Variants in CCDC102A observed in about 807,000 individuals in gnomAD.
CCDC102A encodes the protein coiled-coil domain-containing protein 102A.
In CCDC102A, 40 loss-of-function variants were observed where a neutral mutation model predicts 55.5. The ratio of observed to expected loss-of-function variants is 0.72; its 90% CI spans 0.56 to 0.94. The LOEUF (loss-of-function observed/expected upper bound fraction) is 0.94. CCDC102A is among the 40% of genes least tolerant of loss of function. The pLI, the probability that CCDC102A is intolerant of heterozygous loss-of-function variation, is 0.00. For synonymous variants in CCDC102A, 323 were observed against 339.0 expected, an observed-to-expected ratio of 0.95 and a Z score of 0.52; for missense variants, 779 against 768.6, an observed-to-expected ratio of 1.01 and a Z score of -0.16.
chr16:57,536,799 G>T (rs998329365), upstream of CCDC102A, among the ~76,000 whole-genome samples: 1 of 152,168 alleles, frequency 6.6e-6, no homozygotes, highest in Admixed American at 6.5e-5. Context: ...CCCAACGGAG[G>T]CCCCACCCCC....
intron 4 of CCDC102A, among the ~76,000 whole-genome samples, chr16:57,519,493 A>T (rs570974873): frequency 1.3e-5 from 2 of 152,354 alleles, no homozygotes; most frequent in South Asian, 4.1e-4. Context: ...CTCTGCACAC[A>T]GGTGCATCGG....
intron 4 of CCDC102A, among the ~76,000 whole-genome samples, chr16:57,520,037 T>A (rs2032019303): frequency 6.6e-6 from 1 of 152,190 alleles, no homozygotes; most frequent in Admixed American, 6.5e-5. Context: ...CTCTGGAGCC[T>A]CAGTTTCCCT....
chr16:57,514,316 C>T (rs1389730517), intron 8 of CCDC102A, among the ~76,000 whole-genome samples: 3 of 152,132 alleles, frequency 2.0e-5, no homozygotes, highest in Admixed American at 6.5e-5. Flanking sequence ...CCTCCTGCCT[C>T]GGTCTCCCAA....
At chr16:57,532,821 G>T (rs1461595883) in intron 1 of CCDC102A, among the ~76,000 whole-genome samples, 5 of 152,210 alleles carry the variant, frequency 3.3e-5, no homozygotes, top group Admixed American at 6.5e-5. Flanking sequence ...GAGAGCCTGT[G>T]GGGGGAGGGG....
At chr16:57,515,628 C>G (rs2031942613) in intron 7 of CCDC102A, among the ~76,000 whole-genome samples, 184 bp from the exon 8 acceptor site, 1 of 152,080 alleles carries the variant, frequency 6.6e-6, no homozygotes, top group Admixed American at 6.6e-5. Context: ...TCCTCTCCAT[C>G]CCCTTTGCCT....
intron 1 of CCDC102A, among the ~76,000 whole-genome samples, chr16:57,530,397 T>C (rs1373643671): frequency 1.3e-5 from 2 of 152,068 alleles, no homozygotes; most frequent in African/African-American, 4.8e-5. Flanking sequence ...CATCACACTT[T>C]TCCTTCCCCA....
intron 8 of CCDC102A, 61 bp downstream of exon 8, chr16:57,515,280 G>A: frequency 9.2e-7 from 1 of 1,092,126 alleles, no homozygotes; most frequent in Non-Finnish European, 1.4e-6. Flanking sequence ...CTCCGTCCCT[G>A]ACCGGAGGGT....
rs2032192629 is a variant in CCDC102A at position 57,528,768 on chromosome 16, G to A, written c.410C>T (p.Ala137Val). Residue 137 changes from alanine to valine, a missense_variant, in exon 2 of 9, where the codon GCG becomes GTG. Transcript: ENST00000258214. ...CTCTTGGCGCTCGCGCCGTGCGCCC[G>A]CCAGCTCCTTGGTGAGCGCGTCCAG... ...QRLDALTKEL[A>V]GARRERQEAQ... is the part of the protein sequence containing the mutation. The A allele has an allele frequency of 8.4e-7, 1 of 1,189,162 alleles. No homozygotes were observed. Among genetic ancestry groups the A allele is most frequent in the Non-Finnish European group, 1.0e-6 (1 of 952,380 alleles). The allele number at this position is 1,189,162 out of a possible 1,614,324, so 73.7% of individuals were successfully genotyped here. A position where few individuals can be genotyped will look rare whatever the true frequency, so the allele number is the denominator to read the frequency against.
chr16:57,515,931 C>G (rs2031946752), intron 7 of CCDC102A, among the ~76,000 whole-genome samples: 1 of 151,974 alleles, frequency 6.6e-6, no homozygotes, highest in Admixed American at 6.6e-5. Flanking sequence ...AGCTGTCCAT[C>G]CATCTGTCCA....
At chr16:57,520,366 T>C (rs1297780992) in intron 4 of CCDC102A, among the ~76,000 whole-genome samples, 2 of 152,098 alleles carry the variant, frequency 1.3e-5, no homozygotes, top group Non-Finnish European at 2.9e-5. Context: ...AAATGCCACC[T>C]TCTTAGGCCT....
chr16:57,519,196 C>T (rs1455274385), intron 4 of CCDC102A, among the ~76,000 whole-genome samples: 4 of 152,234 alleles, frequency 2.6e-5, no homozygotes, highest in Non-Finnish European at 4.4e-5. Flanking sequence ...TTCTGTTCCT[C>T]AGACACACCA....
rs61754870 is a variant in CCDC102A at position 57,518,722 on chromosome 16, G to T, written c.941C>A (p.Ala314Glu). Residue 314 changes from alanine (A) to glutamate (E), a missense_variant, in exon 5 of 9, where the codon GCG becomes GAG. Physicochemically the swap from Ala to Glu is moderately radical, Grantham distance 107. Transcript: ENST00000258214. ...MLKQLSILKE[A>E]HQDELGRMSE... Reference sequence around the variant, plus strand: ...CATGCGGCCCAGCTCGTCCTGGTGCGCCTCCTTCAGGATGCTGAGCTGCAG... The same window carrying T: ...CATGCGGCCCAGCTCGTCCTGGTGCTCCTCCTTCAGGATGCTGAGCTGCAG... 2.5e-6 allele frequency: 4 copies of T among 1,606,576 alleles called. No individual in the cohort carries two copies. Among genetic ancestry groups the T allele is most frequent in the Non-Finnish European group, 1.7e-6 (2 of 1,176,486 alleles).
intron 3 of CCDC102A, among the ~76,000 whole-genome samples, chr16:57,523,168 CAA>C (rs766477645): frequency 1.5e-5 from 2 of 135,558 alleles, no homozygotes; most frequent in Admixed American, 7.4e-5. Context: ...ACTCTGTCTC[CAA>C]AAAAAAAAAA....
intron 4 of CCDC102A, among the ~76,000 whole-genome samples, chr16:57,520,307 C>T (rs906662528): frequency 2.6e-5 from 4 of 152,204 alleles, no homozygotes; most frequent in African/African-American, 9.7e-5. Context: ...ACACTCTCCC[C>T]TGTATCTTTT....
Position 57,518,138 on chromosome 16 carries a change from C to T in CCDC102A, c.1178G>A (p.Arg393Gln), listed in dbSNP as rs141307368. 33 of 1,610,424 alleles carry T rather than the reference C, an allele frequency of 2.0e-5. No homozygotes were observed. The highest frequency in any genetic ancestry group is 5.0e-5 in the Admixed American group (3 of 59,982). ...GDLEEALARR[R>Q]RQTASALDCD... Reference sequence around the variant, plus strand: ...GTCCAGTGCGCTGGCTGTTTGCCGCCGCCGCCGGGCCAGCGCCTCCTCCAG... The same window carrying T: ...GTCCAGTGCGCTGGCTGTTTGCCGCTGCCGCCGGGCCAGCGCCTCCTCCAG... The change falls in exon 6 of 9, where the codon CGG becomes CAG. Residue 393 changes from arginine to glutamine, a missense_variant. By Grantham distance (43) the Arg-to-Gln change is conservative (BLOSUM62 1). Coordinates refer to ENST00000258214, the MANE Select transcript of CCDC102A (RefSeq NM_033212.4).
In CCDC102A at chr16:57,512,857, G is replaced by A; in HGVS notation, c.1537C>T (p.Gln513Ter). The A allele has an allele frequency of 1.2e-6, 2 of 1,613,610 alleles. No individual in the cohort carries two copies. Among genetic ancestry groups the A allele is most frequent in the Non-Finnish European group, 1.7e-6 (2 of 1,179,870 alleles). Residue 513 changes from glutamine (Q) to a stop codon, truncating the protein, a stop_gained, in exon 9 of 9, where the codon CAG becomes TAG. Transcript: ENST00000258214. LOFTEE classifies it high-confidence loss of function. ...EHLQSRLRRQ[Q>*]QNAPLFGKIR... is the part of the protein sequence containing the mutation. ...TTCCCGAAGAGGGGAGCGTTCTGCTGCTGCCTGCGGAGCCTGTGGGGTGGG... is the reference window on the plus strand; with the variant it reads ...TTCCCGAAGAGGGGAGCGTTCTGCTACTGCCTGCGGAGCCTGTGGGGTGGG...
intron 2 of CCDC102A, among the ~76,000 whole-genome samples, chr16:57,527,168 A>G (rs529434434): frequency 9.6e-6 from 1 of 104,114 alleles, no homozygotes; most frequent in Admixed American, 7.8e-5. Context: ...TGGGCAGAAT[A>G]GAGGAGGGGC....
intron 3 of CCDC102A, among the ~76,000 whole-genome samples, chr16:57,523,476 A>ATTT (rs766409543): frequency 6.9e-6 from 1 of 144,298 alleles, no homozygotes; most frequent in African/African-American, 2.6e-5. Flanking sequence ...CATTATAGTG[A>ATTT]TTTTTTTTTT....
chr16:57,520,175 C>T (rs1304137268), intron 4 of CCDC102A, among the ~76,000 whole-genome samples: 1 of 152,198 alleles, frequency 6.6e-6, no homozygotes, highest in African/African-American at 2.4e-5. Flanking sequence ...GTCTACAAGG[C>T]CCCCTCCTGC....
Sources: allele counts gnomAD v4.1 joint callset (sites outside exome capture counted in the v4.1 genomes callset), GRCh38; gene constraint gnomAD v4.1.1; transcripts MANE v1.5; gene names NCBI Gene and HGNC (gene_info 2026-07-23, HGNC 2026-07-21).